Variants in CAST observed in about 807,000 individuals in gnomAD.
CAST encodes calpastatin.
In CAST, 76 loss-of-function variants were observed where a neutral mutation model predicts 119.6. That is an observed-to-expected ratio of 0.64 (90% CI 0.53 to 0.77). The LOEUF is 0.77. CAST is among the 30% of genes least tolerant of loss of function. The pLI, the probability that CAST is intolerant of heterozygous loss-of-function variation, is 0.00. For missense variants in CAST, 953 were observed against 946.5 expected, an observed-to-expected ratio of 1.01 and a Z score of -0.09; for synonymous variants, 319 against 331.6, an observed-to-expected ratio of 0.96 and a Z score of 0.41.
intron 10 of CAST, among the ~76,000 whole-genome samples, chr5:96,736,740 TA>T (rs1241725699): frequency 6.6e-6 from 1 of 152,202 alleles, no homozygotes; most frequent in African/African-American, 2.4e-5. Context: ...GGTCCTTTCC[TA>T]GATTGTTGTT....
chr5:96,277,261 A>G, the CAST span, among the ~76,000 whole-genome samples: 17 of 5,948 alleles, frequency 2.9e-3, no homozygotes, highest in Admixed American at 0.038. Context: ...GGAGTGCCAT[A>G]TTAACTCTCC....
chr5:96,419,110 A>G, the CAST span, among the ~76,000 whole-genome samples: 1 of 151,922 alleles, frequency 6.6e-6, no homozygotes, highest in Non-Finnish European at 1.5e-5. Flanking sequence ...ATGCACACAT[A>G]TACATATATG....
chr5:96,244,804 T>G, the CAST span, among the ~76,000 whole-genome samples: 3 of 152,316 alleles, frequency 2.0e-5, no homozygotes, highest in East Asian at 1.9e-4. Context: ...TGTGAAAATT[T>G]TTAAGTGGCG....
chr5:96,718,769 AAGAC>A (rs987275677), intron 3 of CAST, among the ~76,000 whole-genome samples: 1 of 152,178 alleles, frequency 6.6e-6, no homozygotes, highest in African/African-American at 2.4e-5. Context: ...TCAACAAACA[AAGAC>A]AGATTCAGGT....
At position 96,726,756 on chromosome 5, in the gene CAST, A is replaced by G. The variant is rs752694262; in HGVS notation, c.271-38A>G. ...CATGTTACTTATTTGACTGACAGATAAAATAAAATTATACCTGGGGCTGTG... is the reference window on the plus strand; with the variant it reads ...CATGTTACTTATTTGACTGACAGATGAAATAAAATTATACCTGGGGCTGTG... On this transcript the variant is annotated intron_variant, in intron 4 of 31. Coordinates refer to ENST00000675179, the MANE Select transcript of CAST (RefSeq NM_001750.7). 6.2e-6 allele frequency: 9 copies of G among 1,449,338 alleles called. No individual in the cohort carries two copies. In the East Asian group the frequency reaches 2.0e-4, roughly 33 times the overall value. 89.8% of individuals were successfully genotyped at this position (1,449,338 alleles called of 1,614,324 possible).
upstream of CAST, chr5:96,662,310 C>G: frequency 1.8e-6 from 2 of 1,132,466 alleles, no homozygotes; most frequent in South Asian, 2.5e-5. Context: ...CGCCCGCTCC[C>G]GGGCCCTCCG....
chr5:96,101,574 A>G, the CAST span, among the ~76,000 whole-genome samples: 1 of 152,104 alleles, frequency 6.6e-6, no homozygotes, highest in Non-Finnish European at 1.5e-5. Flanking sequence ...CGATTCTCCC[A>G]CCACCTGTAC....
At chr5:96,065,198 T>A in the CAST span, among the ~76,000 whole-genome samples, 343 of 152,174 alleles carry the variant, frequency 2.3e-3, 3 homozygotes, top group African/African-American at 7.7e-3. Context: ...CTTTTTTTTT[T>A]ATCATTATTT....
chr5:96,746,549 C>T, intron 17 of CAST, 124 bp downstream of exon 17: 1 of 732,338 alleles, frequency 1.4e-6, no homozygotes, highest in Non-Finnish European at 2.5e-6. Context: ...ACTCTGAAAA[C>T]CCTGAACCTT....
At chr5:96,465,487 T>A in the CAST span, among the ~76,000 whole-genome samples, 1 of 152,104 alleles carries the variant, frequency 6.6e-6, no homozygotes, top group Non-Finnish European at 1.5e-5. Flanking sequence ...AAACTTTCAG[T>A]ATTTCTTTTT....
the CAST span, among the ~76,000 whole-genome samples, chr5:96,438,579 T>C: frequency 6.6e-6 from 1 of 152,166 alleles, no homozygotes; most frequent in Non-Finnish European, 1.5e-5. Context: ...TTGGTTTGTC[T>C]GGTGTTTTCT....
chr5:96,280,249 T>C, the CAST span, among the ~76,000 whole-genome samples: 1 of 152,158 alleles, frequency 6.6e-6, no homozygotes, highest in Non-Finnish European at 1.5e-5. Context: ...GTGGTTTTTG[T>C]TGCTGTTTGG....
the CAST span, among the ~76,000 whole-genome samples, chr5:96,057,032 G>T: frequency 1.7e-4 from 26 of 152,284 alleles, no homozygotes; most frequent in Admixed American, 1.6e-3. Flanking sequence ...CTGCTACATG[G>T]TTGGATAACT....
chr5:95,973,686 C>T, the CAST span, among the ~76,000 whole-genome samples: 1 of 152,136 alleles, frequency 6.6e-6, no homozygotes, highest in Non-Finnish European at 1.5e-5. Context: ...CATTGATCTA[C>T]GTGTCTCTGC....
chr5:96,367,539 C>A, the CAST span, among the ~76,000 whole-genome samples: 1 of 151,766 alleles, frequency 6.6e-6, no homozygotes, highest in East Asian at 1.9e-4. Flanking sequence ...GCCCCTCCCC[C>A]AGACTTGCTG....
At chr5:96,246,384 A>G in the CAST span, among the ~76,000 whole-genome samples, 2 of 151,724 alleles carry the variant, frequency 1.3e-5, no homozygotes, top group African/African-American at 2.4e-5. Context: ...ACGGGGTTTC[A>G]CTGTGTTACC....
chr5:96,105,018 A>G, the CAST span, among the ~76,000 whole-genome samples: 5 of 120,378 alleles, frequency 4.2e-5, no homozygotes, highest in Admixed American at 4.6e-4. Context: ...GAGTTCACTC[A>G]TGATTTGGCT....
At chr5:96,275,482 T>C in the CAST span, among the ~76,000 whole-genome samples, 1 of 152,234 alleles carries the variant, frequency 6.6e-6, no homozygotes, top group Admixed American at 6.5e-5. Flanking sequence ...TGCTGTAACA[T>C]GCTGTAGAAA....
At chr5:96,480,486 A>G in the CAST span, among the ~76,000 whole-genome samples, 1 of 152,196 alleles carries the variant, frequency 6.6e-6, no homozygotes, top group Non-Finnish European at 1.5e-5. Flanking sequence ...CATTGTCTCA[A>G]TGGGTCTGCT....
Sources: gnomAD v4.1 joint callset for allele counts (sites outside exome capture counted in the v4.1 genomes callset) on GRCh38, gnomAD v4.1.1 for gene constraint, MANE v1.5 for transcripts, NCBI Gene and HGNC (gene_info 2026-07-23, HGNC 2026-07-21) for gene names.